Variants in SORBS2 observed in about 807,000 individuals in gnomAD.
The protein encoded by SORBS2 is sorbin and SH3 domain containing 2, also known as sorbin and SH3 domain-containing protein 2.
SORBS2 carries 46 observed loss-of-function variants against 97.7 expected under a neutral mutation model. The observed-to-expected ratio is 0.47, with a 90% CI of 0.37 to 0.60. The LOEUF is 0.60. Ranked by LOEUF, SORBS2 falls within the 20% of genes least tolerant of loss-of-function variation. SORBS2 has a pLI of 0.00. For missense variants in SORBS2, 1,316 were observed against 1,282.3 expected, an observed-to-expected ratio of 1.03 and a Z score of -0.40; for synonymous variants, 476 against 473.4, an observed-to-expected ratio of 1.01 and a Z score of -0.07.
At chr4:185,757,229 T>C (rs1469555274) in intron 2 of SORBS2, 1 of 293,200 alleles carries the variant, frequency 3.4e-6, no homozygotes, top group African/African-American at 2.2e-5. Context: ...TATTTAGATG[T>C]TGCAAGCCCC....
chr4:185,630,477 C>T, intron 5 of SORBS2, 72 bp downstream of exon 17: 2 of 933,090 alleles, frequency 2.1e-6, no homozygotes, highest in East Asian at 2.5e-5. Context: ...TACTACTTCA[C>T]TGAATAATTT....
At chr4:185,633,044 A>T (rs2096933170) in intron 4 of SORBS2, among the ~76,000 whole-genome samples, 1 of 152,232 alleles carries the variant, frequency 6.6e-6, no homozygotes, top group South Asian at 2.1e-4. Flanking sequence ...TTTACATATT[A>T]CCATTATTTT....
At position 185,635,089 on chromosome 4, in the gene SORBS2, C is replaced by T. The variant is rs115110766; in HGVS notation, c.397-4491G>A. 4.5e-3 allele frequency among the ~76,000 whole-genome samples: 689 copies of T among 152,178 alleles called. 6 individuals are homozygous for T. The highest frequency in any genetic ancestry group is 0.016 in the African/African-American group (655 of 41,520). On this transcript the variant is annotated intron_variant, in intron 4 of 14. Transcript: ENST00000418609. ...TAATACTTTTGATTTTTAATTTTCA[C>T]GCTGCTGAATACCAGAACTACATAG...
At chr4:185,717,280 T>G (rs1219213577) in intron 2 of SORBS2, among the ~76,000 whole-genome samples, 2 of 152,162 alleles carry the variant, frequency 1.3e-5, no homozygotes, top group African/African-American at 4.8e-5. Context: ...ACCCTGCCAC[T>G]GTCAAAATGC....
intron 12 of SORBS2, among the ~76,000 whole-genome samples, chr4:185,604,456 T>C (rs6815991): frequency 0.027 from 4,083 of 151,856 alleles, 220 homozygotes; most frequent in African/African-American, 0.094. Flanking sequence ...GAAGAGAGAA[T>C]GAAATGGAGG....
chr4:185,817,231 AC>A (rs2099193807), intron 1 of SORBS2, among the ~76,000 whole-genome samples: 1 of 151,592 alleles, frequency 6.6e-6, no homozygotes, highest in Non-Finnish European at 1.5e-5. Context: ...AAAAAAAACC[AC>A]CCACAATTAA....
intron 1 of SORBS2, among the ~76,000 whole-genome samples, chr4:185,952,338 T>A (rs1367971433): frequency 2.6e-5 from 4 of 152,174 alleles, no homozygotes; most frequent in African/African-American, 9.7e-5. Flanking sequence ...AAATAGCTTT[T>A]TATAGTGGCC....
chr4:185,857,010 A>C (rs1013671798), intron 1 of SORBS2, among the ~76,000 whole-genome samples: 7 of 152,108 alleles, frequency 4.6e-5, no homozygotes, highest in African/African-American at 7.2e-5. Context: ...TCCTCAACAC[A>C]TAGGGATTAT....
At chr4:185,735,537 C>T (rs2098679316) in intron 2 of SORBS2, among the ~76,000 whole-genome samples, 1 of 151,892 alleles carries the variant, frequency 6.6e-6, no homozygotes, top group African/African-American at 2.4e-5. Flanking sequence ...CACTCACATG[C>T]GAGCCTTCCC....
intron 9 of SORBS2, among the ~76,000 whole-genome samples, chr4:185,616,309 G>T (rs778703722): frequency 8.5e-5 from 13 of 152,280 alleles, no homozygotes; most frequent in Admixed American, 2.6e-4. Context: ...TTAAAAGAAT[G>T]ATCACACATT....
chr4:185,621,173 A>T (rs1257453983), intron 7 of SORBS2, among the ~76,000 whole-genome samples: 1 of 152,196 alleles, frequency 6.6e-6, no homozygotes, highest in Non-Finnish European at 1.5e-5. Flanking sequence ...CCATCTATGA[A>T]AGAATTTAAA....
intron 1 of SORBS2, among the ~76,000 whole-genome samples, chr4:185,781,850 T>C (rs1218295188): frequency 6.6e-6 from 1 of 152,282 alleles, no homozygotes; most frequent in Non-Finnish European, 1.5e-5. Context: ...AGGAAGGACT[T>C]CCCTGCTCCA....
intron 2 of SORBS2, among the ~76,000 whole-genome samples, chr4:185,693,243 CT>C (rs1450216739): frequency 2.0e-5 from 3 of 152,114 alleles, no homozygotes; most frequent in Non-Finnish European, 4.4e-5. Flanking sequence ...TTCTGTTTTA[CT>C]TTTTTGTTTT....
At chr4:185,763,120 C>T (rs1357671941) in intron 2 of SORBS2, among the ~76,000 whole-genome samples, 3 of 152,082 alleles carry the variant, frequency 2.0e-5, no homozygotes, top group Non-Finnish European at 4.4e-5. Flanking sequence ...ACCCGGGAGG[C>T]GGAGGTTGCA....
upstream of SORBS2, among the ~76,000 whole-genome samples, chr4:185,659,578 A>G (rs7694363): frequency 0.056 from 7,527 of 133,824 alleles, 630 homozygotes; most frequent in African/African-American, 0.17. Context: ...CATCACGCCC[A>G]GCTAATTTTT....
intron 12 of SORBS2, among the ~76,000 whole-genome samples, chr4:185,610,011 G>T (rs1032025950): frequency 6.6e-6 from 1 of 152,080 alleles, no homozygotes; most frequent in African/African-American, 2.4e-5. Flanking sequence ...TAAAAAACTG[G>T]TTATTAGTGA....
intron 12 of SORBS2, among the ~76,000 whole-genome samples, chr4:185,602,212 C>G (rs1561336377): frequency 6.6e-6 from 1 of 152,074 alleles, no homozygotes; most frequent in Admixed American, 6.6e-5. Context: ...GTTTCACCAT[C>G]TTGGCCAGGC....
chr4:185,653,745 G>T (rs1189799775), intron 1 of SORBS2, among the ~76,000 whole-genome samples: 1 of 152,160 alleles, frequency 6.6e-6, no homozygotes, highest in Non-Finnish European at 1.5e-5. Context: ...TGCCTTTCTG[G>T]ATACCTGTAA....
intron 1 of SORBS2, among the ~76,000 whole-genome samples, chr4:185,849,519 A>T (rs1383551197): frequency 6.6e-6 from 1 of 150,926 alleles, no homozygotes; most frequent in Non-Finnish European, 1.5e-5. Flanking sequence ...TTATAAAATA[A>T]GTCCACTCCA....
Sources: gnomAD v4.1 joint callset for allele counts (sites outside exome capture counted in the v4.1 genomes callset) on GRCh38, gnomAD v4.1.1 for gene constraint, MANE v1.5 for transcripts, NCBI Gene and HGNC (gene_info 2026-07-23, HGNC 2026-07-21) for gene names.